The following STAM2 variants were observed in gnomAD, a reference collection of about 807,000 sequenced individuals.
STAM2 encodes signal transducing adaptor molecule 2.
In STAM2, 51 loss-of-function variants were observed where a neutral mutation model predicts 65.6. The observed-to-expected ratio is 0.78, with a 90% CI of 0.62 to 0.98. STAM2 has a LOEUF of 0.98. Ranked by LOEUF, STAM2 falls within the 50% of genes least tolerant of loss-of-function variation. STAM2 has a pLI of 0.00. For synonymous variants in STAM2, 198 were observed against 208.4 expected, an observed-to-expected ratio of 0.95 and a Z score of 0.43; for missense variants, 584 against 617.8, an observed-to-expected ratio of 0.95 and a Z score of 0.58.
intron 7 of STAM2, among the ~76,000 whole-genome samples, chr2:152,138,633 ATCATT>A (rs1365478687): frequency 6.6e-6 from 1 of 152,212 alleles, no homozygotes; most frequent in Non-Finnish European, 1.5e-5. Flanking sequence ...ATTATGAAAC[ATCATT>A]TCATTTATGA....
chr2:152,156,254 T>C (rs767949908), intron 1 of STAM2, among the ~76,000 whole-genome samples: 3 of 152,194 alleles, frequency 2.0e-5, no homozygotes, highest in African/African-American at 4.8e-5. Context: ...TCTCTACAAA[T>C]ATAAGACTCA....
intron 1 of STAM2, among the ~76,000 whole-genome samples, chr2:152,153,365 T>A (rs1689482487): frequency 6.6e-6 from 1 of 151,434 alleles, no homozygotes; most frequent in Non-Finnish European, 1.5e-5. Context: ...GAATCCAGAG[T>A]AATTTCTTTT....
chr2:152,152,441 C>T (rs1689463129), intron 1 of STAM2, among the ~76,000 whole-genome samples: 1 of 151,680 alleles, frequency 6.6e-6, no homozygotes, highest in Non-Finnish European at 1.5e-5. Flanking sequence ...CCCAGCTACT[C>T]GGAAGGCTGA....
intron 8 of STAM2, among the ~76,000 whole-genome samples, chr2:152,134,377 A>C (rs1194478154): frequency 6.6e-6 from 1 of 152,200 alleles, no homozygotes; most frequent in African/African-American, 2.4e-5. Context: ...TATTTTTTAA[A>C]GGTATCTCCA....
At chr2:152,126,018 C>A (rs771578945) in intron 12 of STAM2, 2 of 410,352 alleles carry the variant, frequency 4.9e-6, no homozygotes, top group Non-Finnish European at 8.4e-6. Context: ...TAAAACTGAA[C>A]TAAAATGTAT....
chr2:152,173,203 G>T (rs893947081), intron 1 of STAM2, among the ~76,000 whole-genome samples: 4 of 144,902 alleles, frequency 2.8e-5, no homozygotes, highest in Non-Finnish European at 4.5e-5. Context: ...GTGAACAAAG[G>T]AATGACCAAA....
chr2:152,127,046 C>T lies in STAM2; in HGVS notation c.1026-667G>A, dbSNP rs143892878. On this transcript the variant is annotated intron_variant, in intron 11 of 13. Coordinates refer to ENST00000263904, the MANE Select transcript of STAM2 (RefSeq NM_005843.6). ...CCACTTCATTTACATGAGGTGAGCACGAAAAGGCCAATGGGAAACTTCTAG... is the reference window on the plus strand; with the variant it reads ...CCACTTCATTTACATGAGGTGAGCATGAAAAGGCCAATGGGAAACTTCTAG... Among the ~76,000 whole-genome samples the T allele has an allele frequency of 2.1e-3, 318 of 152,212 alleles. 1 individual carries two copies. The highest frequency in any genetic ancestry group is 3.4e-3 in the Non-Finnish European group (234 of 68,016).
At chr2:152,175,087 G>A (rs139242178) in intron 1 of STAM2, among the ~76,000 whole-genome samples, 84 of 152,256 alleles carry the variant, frequency 5.5e-4, no homozygotes, top group African/African-American at 1.4e-3. Flanking sequence ...AAATCTTAAA[G>A]CTACCCTATC....
intron 7 of STAM2, among the ~76,000 whole-genome samples, chr2:152,142,010 T>A (rs191488662): frequency 6.6e-6 from 1 of 152,240 alleles, no homozygotes; most frequent in Non-Finnish European, 1.5e-5. Flanking sequence ...ATGAATAGAG[T>A]CATTTTCTGG....
In STAM2 at chr2:152,148,133, A is replaced by C. The variant is rs1202868086; in HGVS notation, c.202-11T>G. On this transcript the variant is annotated splice_polypyrimidine_tract_variant and intron_variant, in intron 3 of 13. Transcript: ENST00000263904. Reference sequence around the variant, plus strand: ...ACAAGCCCCAAGAAGCTATTAATTGAAATAAAAATATATGAATATTGAAAT... The same window carrying C: ...ACAAGCCCCAAGAAGCTATTAATTGCAATAAAAATATATGAATATTGAAAT... 6.3e-7 allele frequency: 1 copy of C among 1,593,462 alleles called. No homozygotes were observed. The highest frequency in any genetic ancestry group is 8.5e-7 in the Non-Finnish European group (1 of 1,170,996).
chr2:152,152,791 G>A (rs1689470534), intron 1 of STAM2, among the ~76,000 whole-genome samples: 1 of 152,050 alleles, frequency 6.6e-6, no homozygotes, highest in South Asian at 2.1e-4. Flanking sequence ...TTCACCTGAA[G>A]TTTCACAACA....
intron 5 of STAM2, 127 bp from the exon 6 acceptor site, chr2:152,145,084 T>G (rs1300520076): frequency 1.3e-6 from 1 of 745,556 alleles, no homozygotes; most frequent in Non-Finnish European, 2.3e-6. Flanking sequence ...AGTGAAGTTC[T>G]TTTTTGAGAC....
chr2:152,133,617 T>C, intron 8 of STAM2, 133 bp from the exon 9 acceptor site: 1 of 645,792 alleles, frequency 1.5e-6, no homozygotes, highest in Non-Finnish European at 2.7e-6. Context: ...CATTTTATAA[T>C]CAATATTACA....
chr2:152,165,310 A>G (rs559629206), intron 1 of STAM2, among the ~76,000 whole-genome samples: 4 of 152,100 alleles, frequency 2.6e-5, no homozygotes, highest in Admixed American at 6.5e-5. Flanking sequence ...ATGCACCTGT[A>G]GTCCCAACTC....
At chr2:152,137,345 G>A (rs1434565145) in intron 7 of STAM2, among the ~76,000 whole-genome samples, 1 of 152,146 alleles carries the variant, frequency 6.6e-6, no homozygotes, top group African/African-American at 2.4e-5. Flanking sequence ...GAGAGAAATC[G>A]TATTTCATTG....
At chr2:152,162,120 G>A (rs1247926545) in intron 1 of STAM2, among the ~76,000 whole-genome samples, 2 of 152,170 alleles carry the variant, frequency 1.3e-5, no homozygotes, top group African/African-American at 4.8e-5. Context: ...ACTGTGCCCA[G>A]CCCAATCTGC....
At chr2:152,160,297 C>T (rs74403228) in intron 1 of STAM2, among the ~76,000 whole-genome samples, 34,641 of 150,248 alleles carry the variant, frequency 0.23, 4,032 homozygotes, top group Admixed American at 0.31. Context: ...CGCCTCTTCC[C>T]GGCCGCCATC....
Position 152,119,090 on chromosome 2 carries a change from A to G in STAM2, c.*1484T>C, listed in dbSNP as rs2105523435. The G allele has an allele frequency of 6.6e-6, 1 of 152,324 alleles. No individual in the cohort carries two copies. Among genetic ancestry groups the G allele is most frequent in the East Asian group, 1.9e-4 (1 of 5,184 alleles). The allele number at this position is 152,324 out of a possible 1,614,324, so 9.4% of individuals were successfully genotyped here. A position where few individuals can be genotyped will look rare whatever the true frequency, so the allele number is the denominator to read the frequency against. On this transcript the variant is annotated 3_prime_UTR_variant, in exon 14 of 14. Coordinates refer to ENST00000263904, the MANE Select transcript of STAM2 (RefSeq NM_005843.6). ...AAAGAATGACTGCTTCCTTTAAAAA[A>G]ACAAATATAGAAATCTTGCTTCCAC...
At chr2:152,136,936 C>G (rs945638572) in intron 7 of STAM2, among the ~76,000 whole-genome samples, 6 of 150,034 alleles carry the variant, frequency 4.0e-5, no homozygotes, top group Non-Finnish European at 7.4e-5. Context: ...GCTGTGTCAC[C>G]CAAGCTGGAG....
Sources: gnomAD v4.1 joint callset for allele counts (sites outside exome capture counted in the v4.1 genomes callset) on GRCh38, gnomAD v4.1.1 for gene constraint, MANE v1.5 for transcripts, NCBI Gene and HGNC (gene_info 2026-07-23, HGNC 2026-07-21) for gene names.